RFX3: variants seen among roughly 807,000 people sequenced by gnomAD.
The protein encoded by RFX3 is transcription factor RFX3.
Under a neutral mutation model 98.6 loss-of-function variants are expected in RFX3, and 14 were observed. The observed-to-expected ratio is 0.14, with a 90% confidence interval of 0.09 to 0.22. The LOEUF is 0.22. Among genes scored for constraint, RFX3 ranks in the 10% least tolerant of loss-of-function variants. The pLI is 1.00. For missense variants in RFX3, 639 were observed against 926.9 expected, an observed-to-expected ratio of 0.69 and a Z score of 4.03; for synonymous variants, 383 against 328.4, an observed-to-expected ratio of 1.17 and a Z score of -1.80.
At chr9:3,325,755 A>G (rs1831840480) in intron 4 of RFX3, among the ~76,000 whole-genome samples, 1 of 152,170 alleles carries the variant, frequency 6.6e-6, no homozygotes, top group Non-Finnish European at 1.5e-5. Flanking sequence ...ATCACTAACT[A>G]CATTCACAAA....
intron 1 of RFX3, among the ~76,000 whole-genome samples, chr9:3,505,277 T>A (rs1328615986): frequency 4.2e-5 from 4 of 94,510 alleles, no homozygotes; most frequent in African/African-American, 1.9e-4. Context: ...TATATATGAA[T>A]ATATACATTT....
At chr9:3,408,027 C>A (rs1170676916) in intron 1 of RFX3, among the ~76,000 whole-genome samples, 1 of 152,126 alleles carries the variant, frequency 6.6e-6, no homozygotes, top group African/African-American at 2.4e-5. Flanking sequence ...ACGCCCACTT[C>A]TAAAGGAGTA....
At chr9:3,512,310 A>G (rs1817737154) in intron 1 of RFX3, among the ~76,000 whole-genome samples, 1 of 152,020 alleles carries the variant, frequency 6.6e-6, no homozygotes, top group African/African-American at 2.4e-5. Context: ...AATAGAAGGT[A>G]CTACTTTGTT....
intron 1 of RFX3, among the ~76,000 whole-genome samples, chr9:3,478,308 T>C (rs1849446032): frequency 6.6e-6 from 1 of 152,090 alleles, no homozygotes; most frequent in Non-Finnish European, 1.5e-5. Context: ...TAATCATCAG[T>C]GTGTTGTTTT....
chr9:3,373,905 C>T (rs537475078), intron 2 of RFX3, among the ~76,000 whole-genome samples: 2 of 152,218 alleles, frequency 1.3e-5, no homozygotes, highest in South Asian at 2.1e-4. Context: ...GGTGAAATCC[C>T]GTCTCTAATA....
At chr9:3,429,688 G>A (rs1195336539) in intron 1 of RFX3, among the ~76,000 whole-genome samples, 2 of 152,126 alleles carry the variant, frequency 1.3e-5, no homozygotes, top group East Asian at 1.9e-4. Flanking sequence ...TGGGCAGGCC[G>A]ATAATTAAAA....
At chr9:3,356,020 G>A (rs958350990) in intron 2 of RFX3, among the ~76,000 whole-genome samples, 3 of 151,802 alleles carry the variant, frequency 2.0e-5, no homozygotes, top group South Asian at 2.1e-4. Context: ...ATAATTTTCA[G>A]AGTGCAGCCA....
Position 3,288,223 on chromosome 9 carries a change from C to A in RFX3, c.759G>T (p.Gly253=). The A allele has an allele frequency of 1.2e-6, 2 of 1,612,284 alleles. No individual in the cohort carries two copies. The highest frequency in any genetic ancestry group is 1.7e-6 in the Non-Finnish European group (2 of 1,178,646). The change falls in exon 7 of 17, where the codon GGG becomes GGT. Residue 253 remains glycine (G), a synonymous_variant. Coordinates refer to ENST00000617270, the MANE Select transcript of RFX3 (RefSeq NM_001282116.2). ...GAGGGGAATCTGGCTTGACACGAAT[C>A]CCATAGTAGTGGTATTTGGAGTTTC... The part of the protein sequence containing the change: ...TRGNSKYHYY[G]IRVKPDSPLN...
At chr9:3,470,102 AAGAG>A (rs539020467) in intron 1 of RFX3, among the ~76,000 whole-genome samples, 3 of 152,188 alleles carry the variant, frequency 2.0e-5, no homozygotes, top group Non-Finnish European at 4.4e-5. Flanking sequence ...TGTAAAAATG[AAGAG>A]CCAGTCAGGT....
chr9:3,500,486 A>T (rs1815880736), intron 1 of RFX3, among the ~76,000 whole-genome samples: 1 of 152,184 alleles, frequency 6.6e-6, no homozygotes, highest in South Asian at 2.1e-4. Context: ...GCAACTCAGA[A>T]AAAAAAGTTC....
chr9:3,289,866 T>C (rs1827111821), intron 6 of RFX3, among the ~76,000 whole-genome samples: 1 of 152,170 alleles, frequency 6.6e-6, no homozygotes, highest in African/African-American at 2.4e-5. Context: ...AAAGATCTGG[T>C]TCTGGTTTGA....
At chr9:3,450,031 T>C (rs1438112402) in intron 1 of RFX3, among the ~76,000 whole-genome samples, 1 of 152,220 alleles carries the variant, frequency 6.6e-6, no homozygotes, top group Non-Finnish European at 1.5e-5. Flanking sequence ...TCAGATCCTG[T>C]GGTTCTACCA....
Position 3,452,338 on chromosome 9 carries a change from C to T in RFX3, c.-8-56742G>A, listed in dbSNP as rs118143937. On this transcript the variant is annotated intron_variant, in intron 1 of 16. Transcript: ENST00000617270. Reference sequence around the variant, plus strand: ...AGGCACATTGGCTCATGCCTGTAATCTCAGTGCTTTGGGAGGCCAAGGCAG... The same window carrying T: ...AGGCACATTGGCTCATGCCTGTAATTTCAGTGCTTTGGGAGGCCAAGGCAG... 2.7e-3 allele frequency: 859 copies of T among 323,238 alleles called. 6 individuals are homozygous for T. The highest frequency in any genetic ancestry group is 3.5e-3 in the Non-Finnish European group (525 of 151,532). The allele number at this position is 323,238 out of a possible 1,614,324, so 20.0% of individuals were successfully genotyped here. A position where few individuals can be genotyped will look rare whatever the true frequency, so the allele number is the denominator to read the frequency against.
chr9:3,341,001 A>G (rs547434969), intron 3 of RFX3, among the ~76,000 whole-genome samples: 6 of 152,312 alleles, frequency 3.9e-5, no homozygotes, highest in Admixed American at 1.3e-4. Context: ...CTTGGAACCA[A>G]CCCAATTGTC....
chr9:3,258,218 C>A (rs1822389183), intron 13 of RFX3, among the ~76,000 whole-genome samples: 1 of 152,032 alleles, frequency 6.6e-6, no homozygotes, highest in Non-Finnish European at 1.5e-5. Flanking sequence ...TTCATTGTGT[C>A]CAGATAATTT....
chr9:3,405,873 T>G (rs1046214059), intron 1 of RFX3, among the ~76,000 whole-genome samples: 7 of 152,178 alleles, frequency 4.6e-5, no homozygotes, highest in African/African-American at 1.7e-4. Context: ...AGCTCCTGCC[T>G]ACTGTCTCCC....
intron 1 of RFX3, among the ~76,000 whole-genome samples, chr9:3,520,161 T>C (rs1343064490): frequency 1.3e-5 from 2 of 152,188 alleles, no homozygotes; most frequent in Non-Finnish European, 2.9e-5. Context: ...TGTAGGACTA[T>C]ATTTTTAAAG....
Position 3,316,529 on chromosome 9 carries a change from A to T in RFX3, c.474+13730T>A, listed in dbSNP as rs60637216. 3.4e-3 allele frequency among the ~76,000 whole-genome samples: 514 copies of T among 152,336 alleles called. 4 individuals carry two copies. Among genetic ancestry groups the T allele is most frequent in the African/African-American group, 0.011 (477 of 41,570 alleles). The stretch of plus-strand genomic sequence containing the variant: ...TAGTGTTGGAAGTTCTGGCCATGGC[A>T]ATCAGGCAAGAGAAAGAAATAAAGA... On this transcript the variant is annotated intron_variant, in intron 4 of 16. Coordinates refer to ENST00000617270, the MANE Select transcript of RFX3 (RefSeq NM_001282116.2).
intron 1 of RFX3, among the ~76,000 whole-genome samples, chr9:3,404,914 T>C (rs1487767756): frequency 1.3e-5 from 2 of 152,186 alleles, no homozygotes; most frequent in Admixed American, 6.6e-5. Flanking sequence ...CTGCCCATTC[T>C]ACTCAACTGC....
Sources: gnomAD v4.1 joint callset for allele counts (sites outside exome capture counted in the v4.1 genomes callset) on GRCh38, gnomAD v4.1.1 for gene constraint, MANE v1.5 for transcripts, NCBI Gene and HGNC (gene_info 2026-07-23, HGNC 2026-07-21) for gene names.